LRRFIP1: variants seen among roughly 807,000 people sequenced by gnomAD.
The protein encoded by LRRFIP1 is LRR binding FLII interacting protein 1.
LRRFIP1 carries 62 observed loss-of-function variants against 104.4 expected under a neutral mutation model. The observed-to-expected ratio is 0.59, with a 90% CI of 0.48 to 0.73. The LOEUF is 0.73. LRRFIP1 is among the 30% of genes least tolerant of loss of function. The pLI, the probability that LRRFIP1 is intolerant of heterozygous loss-of-function variation, is 0.00. For missense variants in LRRFIP1, 796 were observed against 824.5 expected (o/e 0.97, Z 0.42); for synonymous variants, 300 against 299.0 (o/e 1.00, Z -0.03).
At chr2:237,758,856 AAG>A (rs770681180) in intron 18 of LRRFIP1, 35 bp downstream of exon 18, 10 of 1,496,544 alleles carry the variant, frequency 6.7e-6, no homozygotes, top group African/African-American at 3.6e-5. Context: ...TTTAAAAAAA[AAG>A]AAAAAAAATC....
intron 10 of LRRFIP1, among the ~76,000 whole-genome samples, chr2:237,738,144 G>T (rs1348244735): frequency 6.6e-6 from 1 of 152,072 alleles, no homozygotes; most frequent in East Asian, 1.9e-4. Flanking sequence ...CACCCCTGAA[G>T]ATCTGGATGA....
intron 1 of LRRFIP1, among the ~76,000 whole-genome samples, chr2:237,697,108 G>A (rs1048049674): frequency 4.6e-5 from 7 of 152,086 alleles, no homozygotes; most frequent in African/African-American, 1.2e-4. Context: ...TGCAACCTCC[G>A]TTTCCCAGGT....
chr2:237,689,794 G>A (rs1389234405), intron 1 of LRRFIP1, among the ~76,000 whole-genome samples: 1 of 152,198 alleles, frequency 6.6e-6, no homozygotes, highest in Non-Finnish European at 1.5e-5. Context: ...GGACTCCAGA[G>A]GCAGCAAGGC....
At chr2:237,758,867 T>C in intron 18 of LRRFIP1, 46 bp downstream of exon 18, 1 of 1,295,224 alleles carries the variant, frequency 7.7e-7, no homozygotes, top group Non-Finnish European at 1.1e-6. Context: ...AGAAAAAAAA[T>C]CCAGGTGACA....
At chr2:237,668,068 C>A (rs1279456172) in intron 1 of LRRFIP1, among the ~76,000 whole-genome samples, 1 of 152,134 alleles carries the variant, frequency 6.6e-6, no homozygotes, top group Non-Finnish European at 1.5e-5. Flanking sequence ...CTCTTCATCA[C>A]CCTGCCAGCA....
chr2:237,764,744 G>A (rs368442616), intron 19 of LRRFIP1: 4 of 986,272 alleles, frequency 4.1e-6, no homozygotes, highest in East Asian at 2.3e-4. Flanking sequence ...GAAAGCATGA[G>A]GGGCTTTATT....
At chr2:237,741,223 C>T (rs920804424) in intron 11 of LRRFIP1, among the ~76,000 whole-genome samples, 3 of 152,250 alleles carry the variant, frequency 2.0e-5, no homozygotes. Flanking sequence ...CAGGAAGATA[C>T]TCAGCTGTTC....
At chr2:237,683,827 A>G (rs758345482) in intron 1 of LRRFIP1, among the ~76,000 whole-genome samples, 7 of 152,214 alleles carry the variant, frequency 4.6e-5, no homozygotes, top group Non-Finnish European at 8.8e-5. Flanking sequence ...GGGAGCCTGG[A>G]AGCCAAGTTG....
At chr2:237,679,430 C>T (rs761528154) in intron 1 of LRRFIP1, among the ~76,000 whole-genome samples, 5 of 152,158 alleles carry the variant, frequency 3.3e-5, no homozygotes, top group Non-Finnish European at 4.4e-5. Context: ...AATGGCAGTT[C>T]TGATGTTCAT....
At chr2:237,774,564 T>A in intron 23 of LRRFIP1, 102 bp downstream of exon 23, 1 of 781,356 alleles carries the variant, frequency 1.3e-6, no homozygotes, top group Non-Finnish European at 2.1e-6. Context: ...GCCCCTGGGC[T>A]GGTCATTGTC....
chr2:237,663,828 G>T (rs1215114787), intron 1 of LRRFIP1, among the ~76,000 whole-genome samples: 1 of 152,106 alleles, frequency 6.6e-6, no homozygotes, highest in African/African-American at 2.4e-5. Flanking sequence ...ACAGGGAAAG[G>T]TCTGGCAAAG....
rs563758235 is a variant in LRRFIP1, at chr2:237,746,044, ATTTAT to A, written c.634-2307_634-2303del. Among the ~76,000 whole-genome samples, 29 of 149,468 alleles carry A rather than the reference ATTTAT, an allele frequency of 1.9e-4. No individual in the cohort carries two copies. The South Asian group carries it at 5.4e-3, about 28-fold the overall frequency. The stretch of plus-strand genomic sequence containing the variant: ...ACATTTCCTTGTTCTTTGAAATTTT[ATTTAT>A]TTTATTTTATTTATTTTTTTTTTTT... On this transcript the variant is annotated intron_variant, in intron 11 of 23. Transcript: ENST00000308482.
intron 11 of LRRFIP1, among the ~76,000 whole-genome samples, chr2:237,740,397 G>A (rs1223457879): frequency 3.3e-5 from 5 of 152,122 alleles, no homozygotes; most frequent in Non-Finnish European, 7.4e-5. Context: ...CTGGACAACA[G>A]AGTGAGACCC....
chr2:237,663,509 A>G (rs750305894), intron 1 of LRRFIP1, among the ~76,000 whole-genome samples: 2 of 152,244 alleles, frequency 1.3e-5, no homozygotes, highest in Non-Finnish European at 2.9e-5. Context: ...GGCCCTCCCC[A>G]GACACTGAAT....
chr2:237,752,013 CAG>C (rs2058684482), intron 14 of LRRFIP1, among the ~76,000 whole-genome samples: 1 of 152,176 alleles, frequency 6.6e-6, no homozygotes, highest in South Asian at 2.1e-4. Flanking sequence ...GGGCACCAGA[CAG>C]AGGAGGTGAC....
At chr2:237,702,947 T>G (rs2093616963) in intron 1 of LRRFIP1, among the ~76,000 whole-genome samples, 3 of 152,310 alleles carry the variant, frequency 2.0e-5, no homozygotes, top group South Asian at 4.1e-4. Context: ...TTCACTGTAC[T>G]CCTAAATGTT....
At position 237,769,950 on chromosome 2, in the gene LRRFIP1, G is replaced by C; in HGVS notation, c.1467G>C (p.Arg489Ser). The C allele has an allele frequency of 6.2e-7, 1 of 1,603,114 alleles. No individual in the cohort carries two copies. The highest frequency in any genetic ancestry group is 8.5e-7 in the Non-Finnish European group (1 of 1,174,040). ...TCTTTGTGATTTCTTTAGATATTAG[G>C]TTGAAAAAGCTGGTTGATGAACGGG... ...KSTGDGTLDI[R>S]LKKLVDEREC... The change falls in exon 20 of 24, where the codon AGG becomes AGC. Residue 489 changes from arginine (R) to serine (S), a missense_variant. Coordinates refer to ENST00000308482, the MANE Select transcript of LRRFIP1 (RefSeq NM_001137550.2).
intron 17 of LRRFIP1, 127 bp from the exon 18 acceptor site, chr2:237,758,602 G>A: frequency 1.6e-6 from 1 of 630,550 alleles, no homozygotes; most frequent in Non-Finnish European, 2.8e-6. Flanking sequence ...TTTAGGCAGA[G>A]TCTCTTTAAT....
At chr2:237,736,025 C>T (rs2095235085) in intron 10 of LRRFIP1, among the ~76,000 whole-genome samples, 1 of 152,176 alleles carries the variant, frequency 6.6e-6, no homozygotes, top group African/African-American at 2.4e-5. Context: ...TCTTCAAGCC[C>T]TCCAGGAAAT....
Sources: allele counts gnomAD v4.1 joint callset (sites outside exome capture counted in the v4.1 genomes callset), GRCh38; gene constraint gnomAD v4.1.1; transcripts MANE v1.5; gene names NCBI Gene and HGNC (gene_info 2026-07-23, HGNC 2026-07-21).